The following RBM42 variants were observed in gnomAD, a reference collection of about 807,000 sequenced individuals.
The protein encoded by RBM42 is RNA-binding protein 42.
RBM42 carries 21 observed loss-of-function variants against 41.4 expected under a neutral mutation model. The ratio of observed to expected loss-of-function variants is 0.51; its 90% CI spans 0.36 to 0.73. The LOEUF (loss-of-function observed/expected upper bound fraction) is 0.73. Ranked by LOEUF, RBM42 falls within the 30% of genes least tolerant of loss-of-function variation. The pLI is 0.00. For missense variants in RBM42, 539 were observed against 680.4 expected, an observed-to-expected ratio of 0.79 and a Z score of 2.31; for synonymous variants, 272 against 271.2, an observed-to-expected ratio of 1.00 and a Z score of -0.03.
chr19:35,633,214 C>G lies in RBM42; in HGVS notation c.646C>G (p.Pro216Ala), dbSNP rs774185580. Residue 216 changes from proline (P) to alanine (A), a missense_variant, in exon 6 of 10, where the codon CCC (proline) becomes GCC (alanine). Physicochemically the swap from Pro to Ala is conservative, Grantham distance 27. This residue lies in a region of RBM42 where 429 missense variants were observed against 488.9 expected (regional missense o/e 0.88). Coordinates refer to ENST00000262633, the MANE Select transcript of RBM42 (RefSeq NM_024321.5). The part of the protein sequence containing the change: ...MLPPMARAPG[P>A]PLGSMAALRP... ...GCCACCAATGGCTCGGGCTCCAGGG[C>G]CCCCGCTGGGCTCCATGGCTGCACT... is the stretch of plus-strand genomic sequence containing the variant. 1 of 1,607,802 alleles carries G rather than the reference C, an allele frequency of 6.2e-7. No homozygotes were observed. The highest frequency in any genetic ancestry group is 8.5e-7 in the Non-Finnish European group (1 of 1,176,772).
intron 6 of RBM42, 117 bp downstream of exon 6, chr19:35,633,369 TCTCA>T (rs1259181532): frequency 1.2e-6 from 1 of 836,728 alleles, no homozygotes; most frequent in Non-Finnish European, 1.9e-6. Context: ...TTCTCTACCT[TCTCA>T]CTCTGCCTTT....
Position 35,637,159 on chromosome 19 carries a change from T to C in RBM42, c.1137T>C (p.Asp379=). ...ATGTCATCTCTTCCCCATCCCCAGA[T>C]GACTTCCGGATCTTCTGTGGGGATC... is the stretch of plus-strand genomic sequence containing the variant. ...EDPSLLEWDA[D]DFRIFCGDLG... is the part of the protein sequence containing the mutation. Residue 379 remains aspartate, a splice_region_variant and synonymous_variant, in exon 9 of 10, where the codon GAT becomes GAC. Transcript: ENST00000262633. The surrounding 1 kb of genome is among the most constrained non-coding windows in gnomAD (Gnocchi z 7.0). 1 of 1,612,320 alleles carries C rather than the reference T, an allele frequency of 6.2e-7. No individual in the cohort carries two copies. Among genetic ancestry groups the C allele is most frequent in the South Asian group, 1.1e-5 (1 of 90,714 alleles).
rs757022836 is a variant in RBM42, at chr19:35,637,362, G to A, written c.1330+10G>A. On this transcript the variant is annotated intron_variant, in intron 9 of 9. Transcript: ENST00000262633. This position sits in a 1 kb window ranked among gnomAD's most constrained non-coding sequence, Gnocchi z 7.0. ...ATGCGTGAGATGAATGGTGGGTGCGGCCTCCCCTGGGAACTGCAGGCGCGG... is the reference window on the plus strand; with the variant it reads ...ATGCGTGAGATGAATGGTGGGTGCGACCTCCCCTGGGAACTGCAGGCGCGG... 5.6e-6 allele frequency: 9 copies of A among 1,613,980 alleles called. No homozygotes were observed. In the African/African-American group the frequency reaches 1.2e-4, roughly 22 times the overall value.
intron 8 of RBM42, among the ~76,000 whole-genome samples, chr19:35,635,929 TC>T (rs1967489259): frequency 6.6e-6 from 1 of 152,174 alleles, no homozygotes; most frequent in Admixed American, 6.5e-5. Context: ...TCTGAGTTTG[TC>T]CGGTTGTTTG....
At chr19:35,633,054 A>AC in intron 5 of RBM42, 23 bp from the exon 6 acceptor site, 1 of 1,608,988 alleles carries the variant, frequency 6.2e-7, no homozygotes. Context: ...AGGCCCTGGA[A>AC]CTCCCCACTA....
At chr19:35,636,114 G>C (rs990170495) in intron 8 of RBM42, among the ~76,000 whole-genome samples, 1 of 151,398 alleles carries the variant, frequency 6.6e-6, no homozygotes, top group African/African-American at 2.4e-5. Context: ...GTGACCTTGG[G>C]CAAGTCACTT....
Position 35,629,185 on chromosome 19 carries a change from C to T in RBM42, c.32C>T (p.Pro11Leu), listed in dbSNP as rs1005002117. The T allele has an allele frequency of 2.9e-5, 45 of 1,530,026 alleles. No homozygotes were observed. In the Admixed American group the frequency reaches 8.9e-4, roughly 30 times the overall value. 94.8% of individuals were successfully genotyped at this position (1,530,026 alleles called of 1,614,324 possible). Residue 11 changes from proline to leucine, a missense_variant, in exon 1 of 10, where the codon CCG becomes CTG. This residue lies in a region of RBM42 where 429 missense variants were observed against 488.9 expected (regional missense o/e 0.88). Transcript: ENST00000262633. MAGAGPAPGL[P>L]GAGGPVVPGP... is the part of the protein sequence containing the mutation. ...GGGGCGGGGCCAGCCCCGGGACTCC[C>T]GGGTGCAGGAGGACCCGTGGTCCCG...
rs1049684141 is a variant in RBM42, at chr19:35,637,513, C to T, written c.1402C>T (p.Arg468Cys). Residue 468 changes from arginine (R) to cysteine (C), a missense_variant, in exon 10 of 10, where the codon CGC becomes TGC. Arg to Cys is a radical substitution (Grantham distance 180). Transcript: ENST00000262633. This position sits in a 1 kb window ranked among gnomAD's most constrained non-coding sequence, Gnocchi z 7.0. ...GAAGGACCGGAATCTGGACGTGGTC[C>T]GCAAGAAGCAGAAGGAAAAGAAGAA... ...MWKDRNLDVV[R>C]KKQKEKKKLG... 1.9e-6 allele frequency: 3 copies of T among 1,614,100 alleles called. No homozygotes were observed. The highest frequency in any genetic ancestry group is 1.3e-5 in the African/African-American group (1 of 74,928).
chr19:35,637,138 CA>C lies in RBM42; in HGVS notation c.1136-19del. ...GCAAGGCCTCTGCATCCTCTGATGT[CA>C]TCTCTTCCCCATCCCCAGATGACTT... On this transcript the variant is annotated intron_variant, in intron 8 of 9. Coordinates refer to ENST00000262633, the MANE Select transcript of RBM42 (RefSeq NM_024321.5). This position sits in a 1 kb window ranked among gnomAD's most constrained non-coding sequence, Gnocchi z 7.0. 6.3e-7 allele frequency: 1 copy of C among 1,598,396 alleles called. No homozygotes were observed. The highest frequency in any genetic ancestry group is 8.5e-7 in the Non-Finnish European group (1 of 1,171,548).
chr19:35,633,133 C>CA lies in RBM42; in HGVS notation c.566dup (p.His189GlnfsTer75). 6.3e-7 allele frequency: 1 copy of CA among 1,588,566 alleles called. No homozygotes were observed. The highest frequency in any genetic ancestry group is 8.6e-7 in the Non-Finnish European group (1 of 1,156,820). ...CCGCCCTATGGCCCTACGGCCCCCT[C>CA]ACCAGGCCCTCGTGGGCCCCCCTCT... is the stretch of plus-strand genomic sequence containing the variant. On this transcript the variant is annotated frameshift_variant, in exon 6 of 10. Coordinates refer to ENST00000262633, the MANE Select transcript of RBM42 (RefSeq NM_024321.5). LOFTEE classifies it high-confidence loss of function.
Position 35,637,294 on chromosome 19 carries a change from C to T in RBM42, c.1272C>T (p.Tyr424=), listed in dbSNP as rs746665211. Residue 424 remains tyrosine, a synonymous_variant, in exon 9 of 10, where the codon TAC becomes TAT. Transcript: ENST00000262633. The surrounding 1 kb of genome is among the most constrained non-coding windows in gnomAD (Gnocchi z 7.0). The part of the protein sequence containing the change: ...RDKRTGKTKG[Y]GFVSFKDPSD... Reference sequence around the variant, plus strand: ...AGCGCACAGGCAAGACCAAGGGCTACGGCTTCGTCAGCTTCAAGGACCCCA... The same window carrying T: ...AGCGCACAGGCAAGACCAAGGGCTATGGCTTCGTCAGCTTCAAGGACCCCA... The T allele has an allele frequency of 5.6e-6, 9 of 1,614,116 alleles. No homozygotes were observed. In the East Asian group the frequency reaches 6.7e-5, roughly 12 times the overall value.
chr19:35,631,651 A>C (rs1967409037), intron 4 of RBM42: 2 of 561,440 alleles, frequency 3.6e-6, no homozygotes, highest in South Asian at 4.4e-5. Context: ...TTAACACCTC[A>C]TAACAAGCTA....
intron 4 of RBM42, among the ~76,000 whole-genome samples, chr19:35,632,272 C>T (rs1009747327): frequency 2.0e-5 from 3 of 152,140 alleles, no homozygotes; most frequent in African/African-American, 7.2e-5. Flanking sequence ...TGTGGCTCCC[C>T]AGTGCCCTCA....
chr19:35,634,991 C>T (rs1364247560), intron 8 of RBM42, among the ~76,000 whole-genome samples: 1 of 152,024 alleles, frequency 6.6e-6, no homozygotes, highest in African/African-American at 2.4e-5. Context: ...TTAATCACTT[C>T]TAAATATCTC....
intron 6 of RBM42, 122 bp downstream of exon 6, chr19:35,633,374 C>T (rs1967440266): frequency 1.2e-6 from 1 of 824,550 alleles, no homozygotes; most frequent in Non-Finnish European, 1.9e-6. Context: ...TACCTTCTCA[C>T]TCTGCCTTTG....
intron 8 of RBM42, among the ~76,000 whole-genome samples, chr19:35,636,455 T>G (rs1028421209): frequency 6.6e-6 from 1 of 152,204 alleles, no homozygotes; most frequent in Admixed American, 6.5e-5. Flanking sequence ...CCACTGTGCT[T>G]GGCTCACTTA....
At position 35,631,187 on chromosome 19, in the gene RBM42, T is replaced by C. The variant is rs1258512209; in HGVS notation, c.330T>C (p.Val110=). 6 of 1,613,992 alleles carry C rather than the reference T, an allele frequency of 3.7e-6. No homozygotes were observed. Among genetic ancestry groups the C allele is most frequent in the Non-Finnish European group, 5.1e-6 (6 of 1,180,022 alleles). Residue 110 remains valine, a synonymous_variant, in exon 3 of 10, where the codon GTT becomes GTC. Coordinates refer to ENST00000262633, the MANE Select transcript of RBM42 (RefSeq NM_024321.5). ...GAGCAGCTGCTGCAGCCACAGTAGT[T>C]CCTCCCATGGTGGGTGGCCCTCCTT... ...EARAAAAATV[V]PPMVGGPPFV... is the part of the protein sequence containing the mutation.
intron 7 of RBM42, 74 bp downstream of exon 7, chr19:35,634,093 A>C (rs1429684575): frequency 6.7e-7 from 1 of 1,491,096 alleles, no homozygotes; most frequent in African/African-American, 1.4e-5. Context: ...TTCCACACAG[A>C]CAGACCGGAC....
At chr19:35,629,407 T>C in intron 1 of RBM42, 113 bp from the exon 2 acceptor site, 1 of 1,533,676 alleles carries the variant, frequency 6.5e-7, no homozygotes, top group Non-Finnish European at 8.8e-7. Flanking sequence ...TTCGGGATTG[T>C]GGGGGCGGGG....
Sources: gnomAD v4.1 joint callset for allele counts (sites outside exome capture counted in the v4.1 genomes callset) on GRCh38, gnomAD v4.1.1 for gene constraint, gnomAD v4.1.1 regional missense constraint, Gnocchi (gnomAD v3.1) non-coding constraint, MANE v1.5 for transcripts, NCBI Gene and HGNC (gene_info 2026-07-23, HGNC 2026-07-21) for gene names.